The following ZNF362 variants were observed in gnomAD, a reference collection of about 807,000 sequenced individuals.
The protein encoded by ZNF362 is rotund homolog.
A neutral mutation model predicts 42.9 loss-of-function variants in ZNF362; 11 were observed. The observed-to-expected ratio is 0.26, with a 90% CI of 0.16 to 0.42. The LOEUF is 0.42. Ranked by LOEUF, ZNF362 falls within the 20% of genes least tolerant of loss-of-function variation. The pLI, the probability that ZNF362 is intolerant of heterozygous loss-of-function variation, is 1.00. For missense variants in ZNF362, 362 were observed against 576.2 expected (o/e 0.63, Z 3.81); for synonymous variants, 255 against 257.3 (o/e 0.99, Z 0.09).
At chr1:33,224,990 A>C in the ZNF362 span, among the ~76,000 whole-genome samples, 20 of 152,038 alleles carry the variant, frequency 1.3e-4, no homozygotes, top group Non-Finnish European at 2.8e-4. Context: ...GCCAGAAGAC[A>C]ACAACTACTG....
chr1:33,239,225 A>G, the ZNF362 span, among the ~76,000 whole-genome samples: 2 of 152,322 alleles, frequency 1.3e-5, no homozygotes, highest in African/African-American at 2.4e-5. Flanking sequence ...GTTGCAGACA[A>G]TGCTAAAGGT....
chr1:33,206,302 A>G, the ZNF362 span, among the ~76,000 whole-genome samples: 5 of 152,102 alleles, frequency 3.3e-5, no homozygotes, highest in Non-Finnish European at 7.4e-5. Context: ...AAGAAAACAT[A>G]TAAGATAATT....
upstream of ZNF362, among the ~76,000 whole-genome samples, chr1:33,255,319 T>C (rs954008497): frequency 4.6e-5 from 7 of 152,256 alleles, no homozygotes; most frequent in African/African-American, 1.7e-4. Flanking sequence ...AATTTGGAAA[T>C]GCTTCCTGGA....
chr1:33,283,525 ACCC>A (rs1260113935), intron 6 of ZNF362, among the ~76,000 whole-genome samples: 1 of 151,986 alleles, frequency 6.6e-6, no homozygotes, highest in Middle Eastern at 3.4e-3. Flanking sequence ...ACATGGCAAA[ACCC>A]CATTGCTACA....
chr1:33,216,665 T>C, the ZNF362 span, among the ~76,000 whole-genome samples: 1 of 148,056 alleles, frequency 6.8e-6, no homozygotes, highest in East Asian at 2.0e-4. Context: ...GAAGGCTTCC[T>C]GGAGGAAAGA....
the ZNF362 span, among the ~76,000 whole-genome samples, chr1:33,173,616 T>A: frequency 6.6e-6 from 1 of 151,628 alleles, no homozygotes; most frequent in African/African-American, 2.4e-5. Flanking sequence ...TCAGATAACC[T>A]GAGTTCAAGT....
At chr1:33,177,676 G>A in the ZNF362 span, among the ~76,000 whole-genome samples, 6 of 152,146 alleles carry the variant, frequency 3.9e-5, no homozygotes, top group Non-Finnish European at 5.9e-5. This position sits in a 1 kb window ranked among gnomAD's most constrained non-coding sequence, Gnocchi z 4.1. Flanking sequence ...TGCGGGGTGG[G>A]TGGAGTTTGC....
the ZNF362 span, among the ~76,000 whole-genome samples, chr1:33,152,404 A>G: frequency 2.0e-5 from 3 of 152,146 alleles, no homozygotes; most frequent in Non-Finnish European, 4.4e-5. Flanking sequence ...TGTCTCTACT[A>G]AAAATACAAA....
At chr1:33,222,658 A>C in the ZNF362 span, among the ~76,000 whole-genome samples, 1 of 152,166 alleles carries the variant, frequency 6.6e-6, no homozygotes, top group Non-Finnish European at 1.5e-5. Flanking sequence ...AAAGCTACCA[A>C]GCTCATTTCA....
the ZNF362 span, among the ~76,000 whole-genome samples, chr1:33,190,406 C>G: frequency 6.6e-6 from 1 of 152,116 alleles, no homozygotes; most frequent in African/African-American, 2.4e-5. Flanking sequence ...ATCCTATTGT[C>G]ACCATTAAGA....
chr1:33,163,964 CAA>C, the ZNF362 span: 1 of 152,624 alleles, frequency 6.6e-6, no homozygotes, highest in Non-Finnish European at 1.5e-5. Context: ...TGGAGAAAAA[CAA>C]AGAGGGTGTG....
chr1:33,270,748 G>T, intron 2 of ZNF362, 136 bp downstream of exon 2: 2 of 1,464,284 alleles, frequency 1.4e-6, no homozygotes, highest in African/African-American at 1.4e-5. Flanking sequence ...GGAGGTGTGT[G>T]CTTACCCTCC....
rs1645944066 is a variant in ZNF362, at chr1:33,276,141, C to T, written c.80C>T (p.Pro27Leu). The change falls in exon 3 of 9, where the codon CCT becomes CTT. Residue 27 changes from proline (P) to leucine (L), a missense_variant. Coordinates refer to ENST00000539719, the MANE Select transcript of ZNF362 (RefSeq NM_152493.3). ...PRFNNPYFWPPPPTMPSQLDN... is the reference protein window; with the variant it reads ...PRFNNPYFWPLPPTMPSQLDN... ...TTTAACAACCCCTACTTCTGGCCCCCTCCTCCCACCATGCCCAGCCAGGTA... is the reference window on the plus strand; with the variant it reads ...TTTAACAACCCCTACTTCTGGCCCCTTCCTCCCACCATGCCCAGCCAGGTA... The T allele has an allele frequency of 1.2e-6, 2 of 1,613,852 alleles. No homozygotes were observed.
chr1:33,207,490 G>A, the ZNF362 span, among the ~76,000 whole-genome samples: 1 of 152,072 alleles, frequency 6.6e-6, no homozygotes, highest in African/African-American at 2.4e-5. Context: ...TGGGTCAAAT[G>A]GTATTTCTAG....
the ZNF362 span, among the ~76,000 whole-genome samples, chr1:33,133,624 C>T: frequency 1.3e-5 from 2 of 152,100 alleles, no homozygotes; most frequent in Non-Finnish European, 2.9e-5. Context: ...AGGGATGGGG[C>T]ATCAGGGCAC....
the ZNF362 span, chr1:33,160,066 T>C: frequency 1.6e-6 from 2 of 1,264,442 alleles, no homozygotes; most frequent in African/African-American, 1.5e-5. Flanking sequence ...GCACGCGTGG[T>C]GGGGGAAATG....
chr1:33,177,072 CACACACAT>C, the ZNF362 span, among the ~76,000 whole-genome samples: 1,862 of 13,742 alleles, frequency 0.14, 112 homozygotes, highest in Admixed American at 0.42. This position sits in a 1 kb window ranked among gnomAD's most constrained non-coding sequence, Gnocchi z 4.1. Context: ...CACATGCACA[CACACACAT>C]GCATGCACAA....
At chr1:33,290,398 A>AT (rs889393981) in intron 6 of ZNF362, among the ~76,000 whole-genome samples, 5 of 151,574 alleles carry the variant, frequency 3.3e-5, no homozygotes, top group Admixed American at 6.6e-5. Flanking sequence ...TGAACTCATC[A>AT]TTTTTTATGG....
At chr1:33,153,983 T>C in the ZNF362 span, among the ~76,000 whole-genome samples, 1 of 152,176 alleles carries the variant, frequency 6.6e-6, no homozygotes, top group South Asian at 2.1e-4. Context: ...CAGGTTGCCT[T>C]GAGAAATCCA....
Sources: gnomAD v4.1 joint callset for allele counts (sites outside exome capture counted in the v4.1 genomes callset) on GRCh38, gnomAD v4.1.1 for gene constraint, Gnocchi (gnomAD v3.1) non-coding constraint, MANE v1.5 for transcripts, NCBI Gene and HGNC (gene_info 2026-07-23, HGNC 2026-07-21) for gene names.